DPP6: variants seen among roughly 807,000 people sequenced by gnomAD.
DPP6 encodes the protein dipeptidyl peptidase like 6, also known as A-type potassium channel modulatory protein DPP6.
In DPP6, 69 loss-of-function variants were observed where a neutral mutation model predicts 122.6. That is an observed-to-expected ratio of 0.56 (90% CI 0.46 to 0.69). DPP6 has a LOEUF of 0.69. DPP6 is among the 30% of genes least tolerant of loss of function. The probability of loss-of-function intolerance (pLI) is 0.00; values close to 1 mark genes in which losing one functional copy is unlikely to be tolerated. For missense variants in DPP6, 928 were observed against 1,116.9 expected, an observed-to-expected ratio of 0.83 and a Z score of 2.41; for synonymous variants, 418 against 433.1, an observed-to-expected ratio of 0.97 and a Z score of 0.43.
At chr7:153,801,454 G>A in the DPP6 span, among the ~76,000 whole-genome samples, 13 of 152,136 alleles carry the variant, frequency 8.5e-5, no homozygotes, top group East Asian at 1.9e-3. Context: ...GGTGTACAGC[G>A]GTAGAGGGAG....
chr7:153,857,320 TTTTCTCTC>T, the DPP6 span, among the ~76,000 whole-genome samples: 1 of 43,648 alleles, frequency 2.3e-5, no homozygotes, highest in Admixed American at 2.1e-4. Flanking sequence ...AACTCAAAGG[TTTTCTCTC>T]TCTCTCTCTC....
At chr7:153,824,587 G>A in the DPP6 span, among the ~76,000 whole-genome samples, 1 of 151,760 alleles carries the variant, frequency 6.6e-6, no homozygotes, top group African/African-American at 2.4e-5. Flanking sequence ...GGGAGGCTAA[G>A]GTAGGAAAAT....
Position 154,872,712 on chromosome 7 carries a change from G to A in DPP6, c.1883+19G>A. ...TGGTGGTGTAAGTATCGTCACATCT[G>A]TCTTTCCCTGGTGCTCGTTCTGGGG... is the stretch of plus-strand genomic sequence containing the variant. On this transcript the variant is annotated intron_variant, in intron 19 of 25. Coordinates refer to ENST00000377770, the MANE Select transcript of DPP6 (RefSeq NM_130797.4). 6.3e-7 allele frequency: 1 copy of A among 1,583,554 alleles called. No individual in the cohort carries two copies. The highest frequency in any genetic ancestry group is 8.6e-7 in the Non-Finnish European group (1 of 1,164,708).
chr7:154,146,845 T>G (rs1447713655), intron 1 of DPP6, among the ~76,000 whole-genome samples: 1 of 151,858 alleles, frequency 6.6e-6, no homozygotes, highest in Non-Finnish European at 1.5e-5. Flanking sequence ...CTCCCCTGGG[T>G]GCACTTCCTC....
At position 154,696,537 on chromosome 7, in the gene DPP6, C is replaced by G. The variant is rs1344892676; in HGVS notation, c.762+27096C>G. Reference sequence around the variant, plus strand: ...CTAAGACATTTCTTTGACCCCACTACAGATGAAGTACATTGTTTAAGTGTT... The same window carrying G: ...CTAAGACATTTCTTTGACCCCACTAGAGATGAAGTACATTGTTTAAGTGTT... On this transcript the variant is annotated intron_variant, in intron 7 of 25. Coordinates refer to ENST00000377770, the MANE Select transcript of DPP6 (RefSeq NM_130797.4). Among the ~76,000 whole-genome samples the G allele has an allele frequency of 3.3e-5, 5 of 152,320 alleles. No homozygotes were observed. The East Asian group carries it at 7.7e-4, about 24-fold the overall frequency.
chr7:154,326,082 A>G (rs536775161), intron 1 of DPP6, among the ~76,000 whole-genome samples: 1 of 152,322 alleles, frequency 6.6e-6, no homozygotes, highest in African/African-American at 2.4e-5. Flanking sequence ...TGCCTTTAGG[A>G]AAAATTAAAC....
the DPP6 span, among the ~76,000 whole-genome samples, chr7:153,764,979 T>C: frequency 2.6e-5 from 4 of 152,200 alleles, no homozygotes; most frequent in Non-Finnish European, 4.4e-5. Flanking sequence ...CGAATGGCTC[T>C]GTGACACCTT....
At chr7:154,677,620 T>C (rs563043250) in intron 7 of DPP6, among the ~76,000 whole-genome samples, 1 of 152,318 alleles carries the variant, frequency 6.6e-6, no homozygotes, top group African/African-American at 2.4e-5. Context: ...GGCCTTTGCT[T>C]CACCCATCGC....
At chr7:154,650,887 G>C (rs574397969) in intron 6 of DPP6, among the ~76,000 whole-genome samples, 3 of 152,300 alleles carry the variant, frequency 2.0e-5, no homozygotes, top group African/African-American at 7.2e-5. Flanking sequence ...GATGAGAACT[G>C]TCTACAATTA....
At chr7:153,756,044 A>G in the DPP6 span, among the ~76,000 whole-genome samples, 1 of 152,154 alleles carries the variant, frequency 6.6e-6, no homozygotes, top group East Asian at 1.9e-4. Flanking sequence ...AGTATATCAC[A>G]GAACCAGAGT....
At chr7:153,776,208 G>C in the DPP6 span, among the ~76,000 whole-genome samples, 4 of 150,878 alleles carry the variant, frequency 2.7e-5, no homozygotes, top group Non-Finnish European at 5.9e-5. Context: ...TATTGCCAAA[G>C]GGTAGTGATA....
chr7:154,879,220 A>C, intron 20 of DPP6, among the ~76,000 whole-genome samples: 1 of 152,170 alleles, frequency 6.6e-6, no homozygotes, highest in African/African-American at 2.4e-5. Flanking sequence ...AGGTGGGCGG[A>C]TCACCGGAGT....
At chr7:154,836,469 A>G (rs938626041) in intron 16 of DPP6, among the ~76,000 whole-genome samples, 5 of 152,216 alleles carry the variant, frequency 3.3e-5, no homozygotes, top group Admixed American at 3.3e-4. Context: ...AAAGCAGGAG[A>G]GAAGTAATTA....
intron 7 of DPP6, among the ~76,000 whole-genome samples, chr7:154,707,619 A>T (rs1840909157): frequency 6.6e-6 from 1 of 152,164 alleles, no homozygotes; most frequent in African/African-American, 2.4e-5. Context: ...ACTAAATGAG[A>T]ATCATCAGGA....
At chr7:154,389,245 C>T (rs950918336) in intron 1 of DPP6, among the ~76,000 whole-genome samples, 1 of 152,146 alleles carries the variant, frequency 6.6e-6, no homozygotes, top group Admixed American at 6.5e-5. Context: ...CAGGCGATGT[C>T]GGCCACTCTC....
intron 1 of DPP6, among the ~76,000 whole-genome samples, chr7:154,278,093 G>A (rs12703336): frequency 0.84 from 128,268 of 152,116 alleles, 54,252 homozygotes; most frequent in East Asian, 0.93. Flanking sequence ...ACGAAATTCA[G>A]TGACCACTTT....
upstream of DPP6, among the ~76,000 whole-genome samples, chr7:154,052,054 C>T (rs1401971126): frequency 4.6e-5 from 7 of 151,386 alleles, no homozygotes; most frequent in Admixed American, 2.0e-4. This position sits in a 1 kb window ranked among gnomAD's most constrained non-coding sequence, Gnocchi z 4.8. Flanking sequence ...CAGTCGCCCC[C>T]TGGCCGGCCT....
At chr7:153,911,042 C>T (rs117236668) in intron 1 of DPP6, among the ~76,000 whole-genome samples, 4 of 152,324 alleles carry the variant, frequency 2.6e-5, no homozygotes, top group South Asian at 2.1e-4. Context: ...GGTCAGATTA[C>T]TTCACTCACT....
At chr7:154,887,005 A>G (rs1280863541) in intron 22 of DPP6, among the ~76,000 whole-genome samples, 4 of 152,244 alleles carry the variant, frequency 2.6e-5, no homozygotes, top group Admixed American at 6.5e-5. Flanking sequence ...TTCTTTCATC[A>G]TGCTGTTTCA....
Sources: allele counts gnomAD v4.1 joint callset (sites outside exome capture counted in the v4.1 genomes callset), GRCh38; gene constraint gnomAD v4.1.1; non-coding constraint Gnocchi (gnomAD v3.1); transcripts MANE v1.5; gene names NCBI Gene and HGNC (gene_info 2026-07-23, HGNC 2026-07-21).